The following DOCK11 variants were observed in gnomAD, a reference collection of about 807,000 sequenced individuals.
DOCK11 encodes dedicator of cytokinesis protein 11.
In DOCK11, 70 loss-of-function variants were observed where a neutral mutation model predicts 169.1. The observed-to-expected ratio is 0.41, with a 90% CI of 0.34 to 0.51. The LOEUF is 0.51. DOCK11 is among the 20% of genes least tolerant of loss of function. The probability of loss-of-function intolerance (pLI) is 0.10; values close to 1 mark genes in which losing one functional copy is unlikely to be tolerated. For missense variants in DOCK11, 1,166 were observed against 1,538.8 expected (o/e 0.76, Z 4.05); for synonymous variants, 529 against 541.3 (o/e 0.98, Z 0.32).
chrX:118,499,555 A>G (rs1321901164), intron 1 of DOCK11, among the ~76,000 whole-genome samples: 1 of 111,785 alleles, frequency 8.9e-6, no homozygotes, highest in African/African-American at 3.2e-5. Context: ...TTTGCATGGA[A>G]TGTTTGTTAT....
At position 118,662,131 on chromosome X, in the gene DOCK11, T is replaced by TATA. The variant is rs768067857; in HGVS notation, c.4970-554_4970-553insTAA. ...AGTTAGTGATAGAGCTGAGTCTATG[T>TATA]AACTCCAAAAGTGGTGGTTCTTCCA... On this transcript the variant is annotated intron_variant, in intron 44 of 52. Transcript: ENST00000276202. Among the ~76,000 whole-genome samples the TATA allele has an allele frequency of 5.4e-5, 6 of 112,149 alleles. No individual in the cohort carries two copies. In the East Asian group the frequency reaches 1.7e-3, roughly 31 times the overall value.
At chrX:118,542,623 A>T in intron 1 of DOCK11, 102 bp from the exon 2 acceptor site, 1 of 595,397 alleles carries the variant, frequency 1.7e-6, no homozygotes, top group African/African-American at 2.3e-5. Flanking sequence ...TAAAAGTATC[A>T]GTAATCCCTT....
intron 6 of DOCK11, among the ~76,000 whole-genome samples, chrX:118,558,178 G>A (rs1027975797): frequency 9.1e-6 from 1 of 109,468 alleles, no homozygotes; most frequent in African/African-American, 3.3e-5. Flanking sequence ...TCACCATGTT[G>A]GCCAGGCTGG....
chrX:118,610,441 G>T, intron 28 of DOCK11, 23 bp downstream of exon 28: 1 of 1,203,622 alleles, frequency 8.3e-7, no homozygotes, highest in Non-Finnish European at 1.1e-6. Context: ...CAGCTAGAAT[G>T]TGGTAAGGAA....
rs186971632 is a variant in DOCK11 at position 118,584,077 on chromosome X, T to C, written c.1596-658T>C. Among the ~76,000 whole-genome samples, 53 of 111,934 alleles carry C rather than the reference T, an allele frequency of 4.7e-4. No individual in the cohort carries two copies. In the East Asian group the frequency reaches 0.013, roughly 27 times the overall value. ...TTATGGAAATATACTTCACCTTTGA[T>C]AAAATGTACATATTTTAAATGTCTA... On this transcript the variant is annotated intron_variant, in intron 14 of 52. Coordinates refer to ENST00000276202, the MANE Select transcript of DOCK11 (RefSeq NM_144658.4).
intron 4 of DOCK11, 88 bp from the exon 5 acceptor site, chrX:118,545,232 CTGT>C (rs1159918079): frequency 2.4e-5 from 14 of 575,804 alleles, no homozygotes; most frequent in Admixed American, 8.8e-5. Context: ...CTTGCTTTTA[CTGT>C]TGTTGTCATT....
intron 1 of DOCK11, among the ~76,000 whole-genome samples, chrX:118,510,631 G>A (rs12835122): frequency 0.13 from 13,847 of 110,506 alleles, 651 homozygotes; most frequent in Middle Eastern, 0.2. Context: ...GGGGTCAGCG[G>A]GGAGGTGTTT....
At chrX:118,653,209 T>C (rs2147543243) in intron 42 of DOCK11, among the ~76,000 whole-genome samples, 1 of 111,850 alleles carries the variant, frequency 8.9e-6, no homozygotes, top group Non-Finnish European at 1.9e-5. Flanking sequence ...TGATAGGAAA[T>C]CTTTTTCTTT....
At chrX:118,570,216 AAAG>A (rs1353044949) in intron 10 of DOCK11, among the ~76,000 whole-genome samples, 1 of 112,072 alleles carries the variant, frequency 8.9e-6, no homozygotes, top group Non-Finnish European at 1.9e-5. Flanking sequence ...CTTAGAGAAT[AAAG>A]AAACACTGGC....
At chrX:118,562,165 CAAA>C in intron 7 of DOCK11, among the ~76,000 whole-genome samples, 1 of 75,250 alleles carries the variant, frequency 1.3e-5, no homozygotes, top group Admixed American at 1.5e-4. Flanking sequence ...GACTCCATCA[CAAA>C]AAAAAAAAAA....
chrX:118,579,280 T>G (rs1026356813), intron 13 of DOCK11, among the ~76,000 whole-genome samples: 45 of 111,767 alleles, frequency 4.0e-4, no homozygotes, highest in South Asian at 7.5e-4. Flanking sequence ...TCTAGAAAAT[T>G]GTGAAATTGT....
At chrX:118,558,263 G>A (rs934308871) in intron 6 of DOCK11, among the ~76,000 whole-genome samples, 2 of 110,482 alleles carry the variant, frequency 1.8e-5, no homozygotes, top group Admixed American at 1.9e-4. Flanking sequence ...ATGAACCACC[G>A]CTCCTGGCCG....
chrX:118,645,804 T>C (rs767888194), intron 40 of DOCK11, among the ~76,000 whole-genome samples: 1 of 107,569 alleles, frequency 9.3e-6, no homozygotes, highest in South Asian at 4.1e-4. Flanking sequence ...ATCCCAGCAC[T>C]TTGGGAGGCT....
At chrX:118,682,935 A>T in intron 51 of DOCK11, 144 bp from the exon 52 acceptor site, 1 of 541,907 alleles carries the variant, frequency 1.8e-6, no homozygotes, top group Non-Finnish European at 2.9e-6. Flanking sequence ...AAGAGACATT[A>T]AGAAATAAAT....
At chrX:118,512,739 T>G (rs1484254687) in intron 1 of DOCK11, among the ~76,000 whole-genome samples, 6 of 111,081 alleles carry the variant, frequency 5.4e-5, no homozygotes, top group African/African-American at 2.0e-4. Context: ...CCTGCCCTCC[T>G]TTTTTCCATC....
At chrX:118,564,649 T>A (rs1302524599) in intron 7 of DOCK11, among the ~76,000 whole-genome samples, 1 of 111,883 alleles carries the variant, frequency 8.9e-6, no homozygotes. Context: ...TTCTTCTTCT[T>A]CTTTGCTTGC....
At chrX:118,666,107 A>G (rs1445563918) in intron 45 of DOCK11, among the ~76,000 whole-genome samples, 1 of 110,854 alleles carries the variant, frequency 9.0e-6, no homozygotes, top group Non-Finnish European at 1.9e-5. Flanking sequence ...AAATATAAAA[A>G]TTAGCCGAGC....
chrX:118,542,520 T>G (rs201324675), intron 1 of DOCK11, among the ~76,000 whole-genome samples: 1,187 of 103,959 alleles, frequency 0.011, 14 homozygotes, highest in African/African-American at 0.039. Context: ...GTGTGTGTGT[T>G]TGTGTGTGTG....
At chrX:118,645,980 C>T (rs1170328919) in intron 40 of DOCK11, among the ~76,000 whole-genome samples, 2 of 101,561 alleles carry the variant, frequency 2.0e-5, no homozygotes, top group Admixed American at 1.1e-4. Flanking sequence ...CACTTGAACC[C>T]GGGAGGCAGA....
Sources: gnomAD v4.1 joint callset for allele counts (sites outside exome capture counted in the v4.1 genomes callset) on GRCh38, gnomAD v4.1.1 for gene constraint, MANE v1.5 for transcripts, NCBI Gene and HGNC (gene_info 2026-07-23, HGNC 2026-07-21) for gene names.